The following ATAT1 variants were observed in gnomAD, a reference collection of about 807,000 sequenced individuals.
ATAT1 encodes alpha-tubulin N-acetyltransferase 1.
Under a neutral mutation model 57.2 loss-of-function variants are expected in ATAT1, and 42 were observed. That is an observed-to-expected ratio of 0.73 (90% confidence interval 0.57 to 0.95). The LOEUF (loss-of-function observed/expected upper bound fraction) is 0.95, where lower values mean the gene tolerates loss of function less well. Among genes scored for constraint, ATAT1 ranks in the 40% least tolerant of loss-of-function variants. The probability of loss-of-function intolerance (pLI) is 0.00; values close to 1 mark genes in which losing one functional copy is unlikely to be tolerated. For missense variants in ATAT1, 454 were observed against 523.7 expected, an observed-to-expected ratio of 0.87 and a Z score of 1.30; for synonymous variants, 168 against 187.1, an observed-to-expected ratio of 0.90 and a Z score of 0.83.
chr6:30,630,011 A>G (rs1489991434), intron 6 of ATAT1, among the ~76,000 whole-genome samples: 1 of 152,228 alleles, frequency 6.6e-6, no homozygotes, highest in Non-Finnish European at 1.5e-5. Context: ...AGTCTTGTTT[A>G]TAACTAAGTG....
chr6:30,643,800 T>C, intron 10 of ATAT1: 1 of 1,342,226 alleles, frequency 7.5e-7, no homozygotes, highest in East Asian at 2.7e-5. Context: ...CTCTGAATAC[T>C]TTCCCAACAG....
At chr6:30,646,283 C>G in intron 12 of ATAT1, 174 bp downstream of exon 12, 2 of 1,453,242 alleles carry the variant, frequency 1.4e-6, no homozygotes, top group Admixed American at 2.8e-5. Context: ...AGGTTCAACT[C>G]TGGTACTTCC....
intron 6 of ATAT1, among the ~76,000 whole-genome samples, chr6:30,639,025 G>T (rs1764785328): frequency 6.6e-6 from 1 of 152,098 alleles, no homozygotes; most frequent in Admixed American, 6.6e-5. Flanking sequence ...CTCTTGCCCA[G>T]GCTGGAGTGC....
Position 30,627,210 on chromosome 6 carries a change from T to A in ATAT1, c.7T>A (p.Leu3Met), listed in dbSNP as rs984129470. Residue 3 changes from leucine to methionine, a missense_variant, in exon 1 of 13, where the codon TTG (leucine) becomes ATG (methionine). Transcript: ENST00000330083. The stretch of plus-strand genomic sequence containing the variant: ...AAAATGTCCCAATCAAAGGATGTGG[T>A]TGACCTGGCCTTTCTGCTTCCTCAC... The A allele has an allele frequency of 8.7e-6, 14 of 1,613,818 alleles. No individual in the cohort carries two copies. The highest frequency in any genetic ancestry group is 1.2e-5 in the Non-Finnish European group (14 of 1,179,882).
In ATAT1 at chr6:30,646,530, GCT is replaced by G. The variant is rs757697676; in HGVS notation, c.1119_1120del (p.Pro374SerfsTer?). 2 of 1,593,626 alleles carry G rather than the reference GCT, an allele frequency of 1.3e-6. No homozygotes were observed. The highest frequency in any genetic ancestry group is 8.5e-7 in the Non-Finnish European group (1 of 1,170,442). On this transcript the variant is annotated frameshift_variant, in exon 13 of 13. Coordinates refer to ENST00000330083, the MANE Select transcript of ATAT1 (RefSeq NM_001031722.4). LOFTEE classifies it high-confidence loss of function. ...GTCTGGGGAGAAGCCCATGCACACA[GCT>G]CCTCCACAGGCCCCGGCCCCGCCAG...
intron 9 of ATAT1, among the ~76,000 whole-genome samples, chr6:30,642,540 G>C (rs1765678870): frequency 6.6e-6 from 1 of 152,040 alleles, no homozygotes; most frequent in South Asian, 2.1e-4. Flanking sequence ...CTACTTGGGA[G>C]GCTGAGGCAG....
At chr6:30,627,784 C>T (rs1761993437) in intron 3 of ATAT1, 57 bp downstream of exon 3, 1 of 1,605,140 alleles carries the variant, frequency 6.2e-7, no homozygotes, top group African/African-American at 1.3e-5. Context: ...TCAGCCCTTC[C>T]CCCATCTTTG....
In ATAT1 at chr6:30,640,610, C is replaced by T; in HGVS notation, c.616+7C>T. On this transcript the variant is annotated splice_region_variant and intron_variant, in intron 8 of 12. Transcript: ENST00000330083. ...GTCGATCCCACGCCCGCTGGTAAAG[C>T]CTGTATTGAAGGGGTGGAACTGTAG... 6.2e-7 allele frequency: 1 copy of T among 1,612,548 alleles called. No homozygotes were observed. Among genetic ancestry groups the T allele is most frequent in the Non-Finnish European group, 8.5e-7 (1 of 1,179,790 alleles).
intron 8 of ATAT1, chr6:30,641,659 T>A: frequency 2.2e-6 from 1 of 453,840 alleles, no homozygotes; most frequent in Non-Finnish European, 2.9e-6. Flanking sequence ...TTTTTTTTTT[T>A]AACCTAATAA....
Position 30,627,744 on chromosome 6 carries a change from C to T in ATAT1, c.224+17C>T. 1.2e-6 allele frequency: 2 copies of T among 1,609,622 alleles called. No individual in the cohort carries two copies. Among genetic ancestry groups the T allele is most frequent in the Admixed American group, 1.7e-5 (1 of 60,016 alleles). On this transcript the variant is annotated intron_variant, in intron 3 of 12. Coordinates refer to ENST00000330083, the MANE Select transcript of ATAT1 (RefSeq NM_001031722.4). ...AGCCCGACCGTGAGTGCCACATGCT[C>T]TTCCATCCCATACTTAATTCCTTCC...
At chr6:30,634,527 G>A (rs1268929375) in intron 6 of ATAT1, among the ~76,000 whole-genome samples, 1 of 151,386 alleles carries the variant, frequency 6.6e-6, no homozygotes, top group Non-Finnish European at 1.5e-5. Flanking sequence ...CGAATTACAG[G>A]CGTGAGCCAC....
chr6:30,643,293 AG>A (rs1421911626), intron 10 of ATAT1: 1 of 1,421,704 alleles, frequency 7.0e-7, no homozygotes, highest in African/African-American at 1.4e-5. Flanking sequence ...TTGGGGGAAC[AG>A]AGCCTTCTAA....
intron 6 of ATAT1, among the ~76,000 whole-genome samples, chr6:30,635,854 C>T (rs1397917530): frequency 6.6e-6 from 1 of 152,134 alleles, no homozygotes; most frequent in Non-Finnish European, 1.5e-5. Context: ...ATAAGCTACT[C>T]TTTTAAATCC....
chr6:30,644,669 CAAA>C (rs529266413), intron 10 of ATAT1: 1 of 828,052 alleles, frequency 1.2e-6, no homozygotes, highest in African/African-American at 1.9e-5. Flanking sequence ...AAAAGAATCA[CAAA>C]AAAAAAAGTT....
intron 6 of ATAT1, among the ~76,000 whole-genome samples, chr6:30,629,607 C>G (rs1464035044): frequency 6.6e-6 from 1 of 151,902 alleles, no homozygotes; most frequent in East Asian, 1.9e-4. Context: ...TGCAGTGGCA[C>G]GATCTCAGCT....
intron 6 of ATAT1, among the ~76,000 whole-genome samples, chr6:30,637,539 C>T (rs1367718970): frequency 4.0e-5 from 6 of 151,682 alleles, no homozygotes; most frequent in Non-Finnish European, 7.4e-5. Context: ...AAAAATAAGC[C>T]GGGCGTGGTG....
At position 30,640,595 on chromosome 6, in the gene ATAT1, C is replaced by T. The variant is rs1198681934; in HGVS notation, c.608C>T (p.Thr203Met). Residue 203 changes from threonine to methionine, a missense_variant, in exon 8 of 13, where the codon ACG (threonine) becomes ATG (methionine). Thr to Met is a moderately conservative substitution (Grantham distance 81, BLOSUM62 -1). This residue lies in a region of ATAT1 where 236 missense variants were observed against 284.5 expected (regional missense o/e 0.83). Coordinates refer to ENST00000330083, the MANE Select transcript of ATAT1 (RefSeq NM_001031722.4). ...TCTCGTGCTGCTGCAGTCGATCCCACGCCCGCTGGTAAAGCCTGTATTGAA... is the reference window on the plus strand; with the variant it reads ...TCTCGTGCTGCTGCAGTCGATCCCATGCCCGCTGGTAAAGCCTGTATTGAA... The T allele has an allele frequency of 1.9e-6, 3 of 1,612,910 alleles. No individual in the cohort carries two copies. Among genetic ancestry groups the T allele is most frequent in the South Asian group, 1.1e-5 (1 of 91,076 alleles).
chr6:30,643,054 G>C, intron 10 of ATAT1, 43 bp downstream of exon 10: 5 of 1,554,618 alleles, frequency 3.2e-6, no homozygotes, highest in Non-Finnish European at 3.5e-6. Context: ...AGCTATAAAA[G>C]AGGATGTTAG....
At chr6:30,642,408 T>A (rs986693599) in intron 9 of ATAT1, among the ~76,000 whole-genome samples, 161 bp downstream of exon 9, 2 of 152,086 alleles carry the variant, frequency 1.3e-5, no homozygotes, top group African/African-American at 4.8e-5. Context: ...TTTGAGAGGC[T>A]AAGGCAGGCA....
Sources: gnomAD v4.1 joint callset for allele counts (sites outside exome capture counted in the v4.1 genomes callset) on GRCh38, gnomAD v4.1.1 for gene constraint, gnomAD v4.1.1 regional missense constraint, MANE v1.5 for transcripts, NCBI Gene and HGNC (gene_info 2026-07-23, HGNC 2026-07-21) for gene names.